Variants in KIAA0825 observed in about 807,000 individuals in gnomAD.
The protein encoded by KIAA0825 is uncharacterized protein KIAA0825.
Under a neutral mutation model 147.6 loss-of-function variants are expected in KIAA0825, and 119 were observed. The ratio of observed to expected loss-of-function variants is 0.81; its 90% confidence interval spans 0.69 to 0.94. The LOEUF is 0.94. Ranked by LOEUF, KIAA0825 falls within the 40% of genes least tolerant of loss-of-function variation. The pLI is 0.00. For missense variants in KIAA0825, 1,381 were observed against 1,472.7 expected, an observed-to-expected ratio of 0.94 and a Z score of 1.02; for synonymous variants, 470 against 518.1, an observed-to-expected ratio of 0.91 and a Z score of 1.26.
At chr5:94,157,734 C>T (rs1767167670) in intron 20 of KIAA0825, among the ~76,000 whole-genome samples, 1 of 152,146 alleles carries the variant, frequency 6.6e-6, no homozygotes, top group Admixed American at 6.5e-5. Flanking sequence ...TAAAAACAGT[C>T]ACAGATCAGT....
chr5:94,278,629 T>C (rs916677899), intron 20 of KIAA0825, among the ~76,000 whole-genome samples: 6 of 152,156 alleles, frequency 3.9e-5, no homozygotes, highest in African/African-American at 1.2e-4. Flanking sequence ...CAGTGTTTCT[T>C]GTAGCACTGT....
At chr5:94,492,580 C>T (rs1763860808) in intron 5 of KIAA0825, among the ~76,000 whole-genome samples, 1 of 152,164 alleles carries the variant, frequency 6.6e-6, no homozygotes, top group Admixed American at 6.5e-5. Flanking sequence ...ACTGCATTCC[C>T]ATTATCCATC....
intron 20 of KIAA0825, among the ~76,000 whole-genome samples, chr5:94,346,830 G>A (rs768274228): frequency 2.0e-5 from 3 of 152,098 alleles, no homozygotes; most frequent in Non-Finnish European, 4.4e-5. Flanking sequence ...CTTGGGGGAG[G>A]GCACAAATCC....
At chr5:94,398,310 G>C (rs1750938241) in intron 16 of KIAA0825, among the ~76,000 whole-genome samples, 1 of 152,060 alleles carries the variant, frequency 6.6e-6, no homozygotes, top group South Asian at 2.1e-4. Context: ...TTAGCTACTT[G>C]CCACTGTTAT....
At chr5:94,385,055 A>T (rs1748957094) in intron 19 of KIAA0825, among the ~76,000 whole-genome samples, 1 of 152,208 alleles carries the variant, frequency 6.6e-6, no homozygotes, top group African/African-American at 2.4e-5. Context: ...TACTGTGAAA[A>T]AAATCTCATA....
chr5:94,263,706 T>G (rs544969536), intron 20 of KIAA0825, among the ~76,000 whole-genome samples: 208 of 152,232 alleles, frequency 1.4e-3, no homozygotes, highest in African/African-American at 4.8e-3. Flanking sequence ...TTACAAATTC[T>G]TCCACCAAAT....
chr5:94,264,190 C>T (rs1442851932), intron 20 of KIAA0825, among the ~76,000 whole-genome samples: 1 of 152,132 alleles, frequency 6.6e-6, no homozygotes, highest in Non-Finnish European at 1.5e-5. Flanking sequence ...AATTGATTGA[C>T]TTTTCATCTG....
At chr5:94,208,985 A>G (rs1772457516) in intron 20 of KIAA0825, among the ~76,000 whole-genome samples, 1 of 152,168 alleles carries the variant, frequency 6.6e-6, no homozygotes, top group African/African-American at 2.4e-5. Flanking sequence ...GGTCTGAGGG[A>G]TATTGGTCTG....
intron 1 of KIAA0825, among the ~76,000 whole-genome samples, chr5:94,590,120 G>A (rs1025222070): frequency 6.6e-6 from 1 of 152,032 alleles, no homozygotes; most frequent in Admixed American, 6.6e-5. Context: ...ATCCCCATTA[G>A]AGTAGCTGGG....
Position 94,614,705 on chromosome 5 carries a change from GA to G in KIAA0825, c.-153+3794del, listed in dbSNP as rs552707906. ...AGGTCTTTCCTCATCTGCCCTCCTG[GA>G]AAAAAAAAAATCTCTTTTCTTTGCA... On this transcript the variant is annotated intron_variant, in intron 1 of 20. Transcript: ENST00000682413. Among the ~76,000 whole-genome samples the G allele has an allele frequency of 4.1e-3, 603 of 145,400 alleles. 3 individuals are homozygous for G. Among genetic ancestry groups the G allele is most frequent in the African/African-American group, 0.014 (556 of 39,776 alleles).
chr5:94,216,095 A>T (rs1478858549), intron 20 of KIAA0825, among the ~76,000 whole-genome samples: 1 of 152,158 alleles, frequency 6.6e-6, no homozygotes, highest in Non-Finnish European at 1.5e-5. Context: ...TCCCATAAAA[A>T]AGAGGCTCTC....
intron 7 of KIAA0825, 116 bp downstream of exon 7, chr5:94,476,995 A>G: frequency 1.3e-6 from 1 of 767,540 alleles, no homozygotes; most frequent in African/African-American, 1.8e-5. Context: ...CAAAATTGAA[A>G]AATTATTTTT....
intron 3 of KIAA0825, among the ~76,000 whole-genome samples, chr5:94,529,296 C>G (rs1561268304): frequency 1.5e-5 from 2 of 136,930 alleles, no homozygotes; most frequent in African/African-American, 5.9e-5. Flanking sequence ...ATGTATATAT[C>G]ATATATATGT....
At chr5:94,431,070 G>A (rs994966819) in intron 14 of KIAA0825, among the ~76,000 whole-genome samples, 14 of 152,246 alleles carry the variant, frequency 9.2e-5, no homozygotes, top group African/African-American at 3.4e-4. Context: ...AGCACAGGCA[G>A]AGACCATTGC....
chr5:94,277,081 T>C (rs1212512997), intron 20 of KIAA0825, among the ~76,000 whole-genome samples: 1 of 152,122 alleles, frequency 6.6e-6, no homozygotes, highest in Admixed American at 6.6e-5. Flanking sequence ...ACCCACATGC[T>C]ACATCCATCC....
At chr5:94,442,565 G>A (rs538620386) in intron 13 of KIAA0825, among the ~76,000 whole-genome samples, 230 of 152,238 alleles carry the variant, frequency 1.5e-3, no homozygotes, top group Non-Finnish European at 1.9e-3. Flanking sequence ...CACTAGATGA[G>A]CCCTTTGGAC....
chr5:94,401,777 T>C (rs933090207), intron 16 of KIAA0825, among the ~76,000 whole-genome samples: 5 of 152,182 alleles, frequency 3.3e-5, no homozygotes, highest in African/African-American at 1.2e-4. Flanking sequence ...CAGGAGGAGA[T>C]ACTGTACTTA....
chr5:94,256,298 AT>A (rs1776251701), intron 20 of KIAA0825, among the ~76,000 whole-genome samples: 1 of 152,098 alleles, frequency 6.6e-6, no homozygotes. Flanking sequence ...TCATGTCTCT[AT>A]TATTAAATCT....
At chr5:94,255,172 G>A (rs1455826244) in intron 20 of KIAA0825, among the ~76,000 whole-genome samples, 1 of 151,102 alleles carries the variant, frequency 6.6e-6, no homozygotes, top group Non-Finnish European at 1.5e-5. Flanking sequence ...TTGATTGGAA[G>A]GGGATAGAAA....
Sources: gnomAD v4.1 joint callset for allele counts (sites outside exome capture counted in the v4.1 genomes callset) on GRCh38, gnomAD v4.1.1 for gene constraint, MANE v1.5 for transcripts, NCBI Gene and HGNC (gene_info 2026-07-23, HGNC 2026-07-21) for gene names.